The following CCDC50 variants were observed in gnomAD, a reference collection of about 807,000 sequenced individuals.
The protein encoded by CCDC50 is coiled-coil domain containing 50, also known as coiled-coil domain-containing protein 50.
CCDC50 carries 54 observed loss-of-function variants against 70.2 expected under a neutral mutation model. The observed-to-expected ratio is 0.77, with a 90% CI of 0.62 to 0.96. CCDC50 has a LOEUF of 0.96. Ranked by LOEUF, CCDC50 falls within the 50% of genes least tolerant of loss-of-function variation. The probability of loss-of-function intolerance (pLI) is 0.00; values close to 1 mark genes in which losing one functional copy is unlikely to be tolerated. For synonymous variants in CCDC50, 216 were observed against 198.8 expected (o/e 1.09, Z -0.73); for missense variants, 558 against 578.7 (o/e 0.96, Z 0.37).
At chr3:191,361,446 T>C (rs1364461098) in intron 4 of CCDC50, among the ~76,000 whole-genome samples, 1 of 152,190 alleles carries the variant, frequency 6.6e-6, no homozygotes, top group Non-Finnish European at 1.5e-5. Flanking sequence ...AAATTTATTG[T>C]CTTAGAGTTC....
chr3:191,359,934 A>G (rs1712424820), intron 3 of CCDC50, among the ~76,000 whole-genome samples: 1 of 152,210 alleles, frequency 6.6e-6, no homozygotes, highest in Non-Finnish European at 1.5e-5. Context: ...TCAGGAGTAG[A>G]GAGTGATATT....
At position 191,347,011 on chromosome 3, in the gene CCDC50, T is replaced by C. The variant is rs1168100451; in HGVS notation, c.50-10077T>C. On this transcript the variant is annotated intron_variant, in intron 1 of 11. Coordinates refer to ENST00000392455, the MANE Select transcript of CCDC50 (RefSeq NM_178335.3). ...ATAGGATTACAGATTCTTGATACTC[T>C]TGACAGTTTGGTGCTCTAACCAATA... Among the ~76,000 whole-genome samples the C allele has an allele frequency of 1.6e-5, 2 of 127,802 alleles. 1 individual carries two copies. The highest frequency in any genetic ancestry group is 3.6e-5 in the Non-Finnish European group (2 of 55,320). The allele number at this position is 127,802 out of a possible 152,430, so 83.8% of individuals were successfully genotyped here.
intron 3 of CCDC50, among the ~76,000 whole-genome samples, chr3:191,360,142 T>C (rs1454398683): frequency 6.6e-6 from 1 of 152,252 alleles, no homozygotes; most frequent in East Asian, 1.9e-4. Flanking sequence ...TTATTCAGTC[T>C]GGATACCCGG....
chr3:191,382,920 G>A, intron 10 of CCDC50, 95 bp downstream of exon 10: 1 of 906,344 alleles, frequency 1.1e-6, no homozygotes, highest in Non-Finnish European at 1.8e-6. Context: ...TTTTTGGAGA[G>A]GAGATCCAAA....
At chr3:191,381,122 A>T (rs978595202) in intron 9 of CCDC50, among the ~76,000 whole-genome samples, 190 bp downstream of exon 9, 18 of 152,174 alleles carry the variant, frequency 1.2e-4, no homozygotes, top group African/African-American at 3.9e-4. Context: ...GAACATATGT[A>T]AAAAGTTACT....
At chr3:191,382,510 A>G (rs1713353659) in intron 9 of CCDC50, among the ~76,000 whole-genome samples, 1 of 152,124 alleles carries the variant, frequency 6.6e-6, no homozygotes, top group Non-Finnish European at 1.5e-5. Flanking sequence ...AGTGGGCTAA[A>G]TTACACCTTC....
rs904385807 is a variant in CCDC50 at position 191,349,136 on chromosome 3, T to C, written c.50-7952T>C. Among the ~76,000 whole-genome samples, 3 of 141,312 alleles carry C rather than the reference T, an allele frequency of 2.1e-5. 1 individual carries two copies. The highest frequency in any genetic ancestry group is 1.6e-5 in the Non-Finnish European group (1 of 62,734). 92.7% of individuals were successfully genotyped at this position (141,312 alleles called of 152,430 possible). ...GCTAATGATATTGGCGGTAGTGATA[T>C]TGATGTCATTTTGTTGATCTCTATA... On this transcript the variant is annotated intron_variant, in intron 1 of 11. Transcript: ENST00000392455.
rs370377094 is a variant in CCDC50 at position 191,373,807 on chromosome 3, GCTTT to G, written c.449-1250_449-1247del. Among the ~76,000 whole-genome samples, 687 of 152,176 alleles carry G rather than the reference GCTTT, an allele frequency of 4.5e-3. 12 individuals carry two copies. The highest frequency in any genetic ancestry group is 0.015 in the African/African-American group (639 of 41,570). On this transcript the variant is annotated intron_variant, in intron 5 of 11. Transcript: ENST00000392455. Reference sequence around the variant, plus strand: ...AATTTAGTATTGTCTTGGGAAGCAAGCTTTCTTTTCTTCTGGAAAGCACAAGAGG... The same window carrying G: ...AATTTAGTATTGTCTTGGGAAGCAAGCTTTTCTTCTGGAAAGCACAAGAGG...
At chr3:191,357,038 A>G (rs1221155166) in intron 1 of CCDC50, 50 bp from the exon 2 acceptor site, 2 of 1,152,044 alleles carry the variant, frequency 1.7e-6, no homozygotes, top group East Asian at 2.4e-5. Context: ...TTTGTATGTT[A>G]AAGTATTACT....
At chr3:191,361,518 C>T (rs1424296965) in intron 4 of CCDC50, among the ~76,000 whole-genome samples, 1 of 152,146 alleles carries the variant, frequency 6.6e-6, no homozygotes, top group African/African-American at 2.4e-5. Flanking sequence ...TGGGAAGGAT[C>T]CTTCCTTGCC....
At position 191,369,953 on chromosome 3, in the gene CCDC50, A is replaced by T. The variant is rs1403417282; in HGVS notation, c.365A>T (p.Gln122Leu). 6.2e-7 allele frequency: 1 copy of T among 1,613,410 alleles called. No individual in the cohort carries two copies. The highest frequency in any genetic ancestry group is 1.1e-5 in the South Asian group (1 of 91,074). The change falls in exon 5 of 12, where the codon CAG becomes CTG. Residue 122 changes from glutamine to leucine, a missense_variant. By Grantham distance (113) the Gln-to-Leu change is moderately radical. Transcript: ENST00000392455. ...IARLLQEKEL[Q>L]EEKKRKKHFP... ...CGCCTTTTGCAAGAAAAGGAGTTAC[A>T]GGAAGAGAAAAAGAGAAAGAAACAC... is the stretch of plus-strand genomic sequence containing the variant.
rs151057313 is a variant in CCDC50, at chr3:191,355,413, A to G, written c.50-1675A>G. ...ATTGAAGTGTTTTAGAGAATATGCG[A>G]TGGTTAATGTAGAATATTTTCTTTC... is the stretch of plus-strand genomic sequence containing the variant. On this transcript the variant is annotated intron_variant, in intron 1 of 11. Coordinates refer to ENST00000392455, the MANE Select transcript of CCDC50 (RefSeq NM_178335.3). Among the ~76,000 whole-genome samples, 298 of 152,258 alleles carry G rather than the reference A, an allele frequency of 2.0e-3. 1 individual carries two copies. The highest frequency in any genetic ancestry group is 6.8e-3 in the Middle Eastern group (2 of 294).
chr3:191,370,586 T>C (rs955467841), intron 5 of CCDC50, among the ~76,000 whole-genome samples: 4 of 151,462 alleles, frequency 2.6e-5, no homozygotes, highest in Non-Finnish European at 5.9e-5. Flanking sequence ...TCTCCAAGGC[T>C]CAAGCAGTTG....
intron 5 of CCDC50, among the ~76,000 whole-genome samples, chr3:191,373,330 T>G (rs13326246): frequency 6.6e-6 from 1 of 152,088 alleles, no homozygotes; most frequent in Non-Finnish European, 1.5e-5. Context: ...GTCAGCTCTG[T>G]AAAAATGTAG....
chr3:191,356,456 C>T (rs293816), intron 1 of CCDC50, among the ~76,000 whole-genome samples: 52,326 of 152,114 alleles, frequency 0.34, 10,909 homozygotes, highest in East Asian at 0.67. Context: ...TATTTTGGGG[C>T]AGCCCAAGGT....
intron 1 of CCDC50, among the ~76,000 whole-genome samples, chr3:191,339,775 C>G (rs1421058891): frequency 6.6e-6 from 1 of 152,192 alleles, no homozygotes; most frequent in Non-Finnish European, 1.5e-5. Context: ...TCTCCATTTA[C>G]TCTGATACTG....
At chr3:191,365,054 CTA>C (rs1712633491) in intron 4 of CCDC50, among the ~76,000 whole-genome samples, 1 of 151,320 alleles carries the variant, frequency 6.6e-6, no homozygotes, top group Admixed American at 6.6e-5. Flanking sequence ...AACTAAAACT[CTA>C]AAAGTGTGTG....
At chr3:191,355,360 T>C (rs2108646875) in intron 1 of CCDC50, among the ~76,000 whole-genome samples, 1 of 152,354 alleles carries the variant, frequency 6.6e-6, no homozygotes, top group South Asian at 2.1e-4. Context: ...GTGTATGTCT[T>C]ACCCATTTAA....
In CCDC50 at chr3:191,392,783, G is replaced by GC. The variant is rs1430615434; in HGVS notation, c.*1024dup. The GC allele has an allele frequency of 1.3e-5, 2 of 152,220 alleles. No homozygotes were observed. Among genetic ancestry groups the GC allele is most frequent in the East Asian group, 3.8e-4 (2 of 5,200 alleles). The allele number at this position is 152,220 out of a possible 1,614,324, so 9.4% of individuals were successfully genotyped here. ...GTTGGAGTCTCGCCCTGTCACACAG[G>GC]CTGGAGTGCAGTGGTGCAATCTTGG... On this transcript the variant is annotated 3_prime_UTR_variant, in exon 12 of 12. Transcript: ENST00000392455.
Sources: allele counts gnomAD v4.1 joint callset (sites outside exome capture counted in the v4.1 genomes callset), GRCh38; gene constraint gnomAD v4.1.1; transcripts MANE v1.5; gene names NCBI Gene and HGNC (gene_info 2026-07-23, HGNC 2026-07-21).